GABRG3: variants seen among roughly 807,000 people sequenced by gnomAD.
GABRG3 encodes the protein gamma-aminobutyric acid receptor subunit gamma-3.
A neutral mutation model predicts 48.8 loss-of-function variants in GABRG3; 25 were observed. That is an observed-to-expected ratio of 0.51 (90% CI 0.37 to 0.72). GABRG3 has a LOEUF of 0.72. GABRG3 is among the 30% of genes least tolerant of loss of function. GABRG3 has a pLI of 0.00. For synonymous variants in GABRG3, 227 were observed against 217.6 expected (o/e 1.04, Z -0.38); for missense variants, 394 against 577.9 (o/e 0.68, Z 3.26).
intron 3 of GABRG3, among the ~76,000 whole-genome samples, chr15:27,311,977 A>G (rs185147158): frequency 1.3e-5 from 2 of 152,238 alleles, no homozygotes; most frequent in Non-Finnish European, 2.9e-5. Flanking sequence ...AAAAAAATAA[A>G]TTTCCAAAAA....
At chr15:27,036,692 AAAT>A (rs1373000142) in intron 3 of GABRG3, among the ~76,000 whole-genome samples, 1 of 152,096 alleles carries the variant, frequency 6.6e-6, no homozygotes, top group African/African-American at 2.4e-5. Context: ...TCCATCTCAA[AAAT>A]AATAATAATA....
intron 3 of GABRG3, among the ~76,000 whole-genome samples, chr15:27,103,504 T>C (rs1897396242): frequency 6.6e-6 from 1 of 152,122 alleles, no homozygotes; most frequent in Admixed American, 6.5e-5. Flanking sequence ...CCCCTGCAGC[T>C]GCAGGGAATC....
At position 27,185,200 on chromosome 15, in the gene GABRG3, C is replaced by T. The variant is rs372924612; in HGVS notation, c.271-141609C>T. ...AATTTCTCTCTCAACAATGCTTTAG[C>T]TGCATCCCACATATTTTGATATGTT... On this transcript the variant is annotated intron_variant, in intron 3 of 9. Coordinates refer to ENST00000615808, the MANE Select transcript of GABRG3 (RefSeq NM_033223.5). Among the ~76,000 whole-genome samples, 6 of 152,218 alleles carry T rather than the reference C, an allele frequency of 3.9e-5. No homozygotes were observed. The East Asian group carries it at 9.6e-4, about 24-fold the overall frequency.
At chr15:27,452,621 G>T (rs1889143625) in intron 5 of GABRG3, among the ~76,000 whole-genome samples, 2 of 152,222 alleles carry the variant, frequency 1.3e-5, no homozygotes, top group Non-Finnish European at 2.9e-5. Context: ...GAAAGTGGAA[G>T]TAAGTGGATC....
intron 3 of GABRG3, among the ~76,000 whole-genome samples, chr15:27,146,532 TATTTG>T (rs1456284187): frequency 6.6e-6 from 1 of 152,132 alleles, no homozygotes; most frequent in Non-Finnish European, 1.5e-5. Context: ...TCAATATTTT[TATTTG>T]TTTTATTTTT....
chr15:27,025,330 T>A (rs1199026912), intron 2 of GABRG3, among the ~76,000 whole-genome samples: 1 of 152,226 alleles, frequency 6.6e-6, no homozygotes, highest in Non-Finnish European at 1.5e-5. Flanking sequence ...CCCTTTGGTA[T>A]AGCATAATCA....
chr15:27,359,656 A>G (rs953162417), intron 5 of GABRG3, among the ~76,000 whole-genome samples: 1 of 152,246 alleles, frequency 6.6e-6, no homozygotes, highest in Admixed American at 6.5e-5. Context: ...TATGACTGGC[A>G]TACTCAGTGT....
chr15:27,201,166 C>T (rs949965116), intron 3 of GABRG3, among the ~76,000 whole-genome samples: 1 of 151,956 alleles, frequency 6.6e-6, no homozygotes, highest in African/African-American at 2.4e-5. Context: ...TGTTGAGCAC[C>T]TGTTGAGTTC....
intron 3 of GABRG3, among the ~76,000 whole-genome samples, chr15:27,145,487 G>T (rs974366644): frequency 9.2e-5 from 14 of 152,022 alleles, no homozygotes; most frequent in Admixed American, 2.6e-4. Context: ...ATAAAGTTAG[G>T]TTGATTGAGA....
chr15:27,419,618 G>A (rs1888049318), intron 5 of GABRG3, among the ~76,000 whole-genome samples: 1 of 152,114 alleles, frequency 6.6e-6, no homozygotes, highest in African/African-American at 2.4e-5. Context: ...CTCCTCCGTA[G>A]CCAAATCATG....
intron 3 of GABRG3, among the ~76,000 whole-genome samples, chr15:27,049,801 AG>A (rs1276785657): frequency 6.6e-6 from 1 of 152,238 alleles, no homozygotes; most frequent in Non-Finnish European, 1.5e-5. Flanking sequence ...GGAGAAGAGC[AG>A]GGCTCTGGGA....
chr15:27,214,711 G>A (rs77165118), intron 3 of GABRG3, among the ~76,000 whole-genome samples: 1 of 119,650 alleles, frequency 8.4e-6, no homozygotes, highest in African/African-American at 3.6e-5. Flanking sequence ...TTTTTTTTTG[G>A]TAGGAAGCTT....
chr15:27,293,545 G>A (rs528730232), intron 3 of GABRG3, among the ~76,000 whole-genome samples: 3 of 152,054 alleles, frequency 2.0e-5, no homozygotes, highest in Admixed American at 6.6e-5. Flanking sequence ...GTGTGGTAGC[G>A]TATGCCTGTA....
At chr15:27,155,668 T>C (rs1898405489) in intron 3 of GABRG3, among the ~76,000 whole-genome samples, 1 of 152,302 alleles carries the variant, frequency 6.6e-6, no homozygotes, top group Non-Finnish European at 1.5e-5. Flanking sequence ...TTATTTACCC[T>C]TGGAGGCTGT....
intron 2 of GABRG3, among the ~76,000 whole-genome samples, chr15:26,977,419 A>G (rs969043515): frequency 3.3e-5 from 5 of 152,158 alleles, no homozygotes; most frequent in Admixed American, 1.3e-4. Context: ...CATCAACCGA[A>G]AGTGGATCTC....
intron 5 of GABRG3, among the ~76,000 whole-genome samples, chr15:27,466,556 A>C (rs192748772): frequency 4.1e-4 from 62 of 152,318 alleles, no homozygotes; most frequent in African/African-American, 1.4e-3. Context: ...TTTCCTTCTA[A>C]ACATTTCTCA....
At position 27,403,268 on chromosome 15, in the gene GABRG3, A is replaced by T. The variant is rs1006040899; in HGVS notation, c.574+74380A>T. ...AATATAGAAGCAGAAGTACCTACCA[A>T]TCAGGCAATGCTCTTTTACCAAAGA... On this transcript the variant is annotated intron_variant, in intron 5 of 9. Transcript: ENST00000615808. Among the ~76,000 whole-genome samples, 9 of 152,174 alleles carry T rather than the reference A, an allele frequency of 5.9e-5. 1 individual carries two copies. The South Asian group carries it at 6.2e-4, about 11-fold the overall frequency.
chr15:27,319,590 C>T lies in GABRG3; in HGVS notation c.271-7219C>T, dbSNP rs549257155. On this transcript the variant is annotated intron_variant, in intron 3 of 9. Coordinates refer to ENST00000615808, the MANE Select transcript of GABRG3 (RefSeq NM_033223.5). This position sits in a 1 kb window ranked among gnomAD's most constrained non-coding sequence, Gnocchi z 4.4. Reference sequence around the variant, plus strand: ...GCTGTTGGCAAATATGCCAATGCCACGGGAAGATGGCAGACAGGAGGATGG... The same window carrying T: ...GCTGTTGGCAAATATGCCAATGCCATGGGAAGATGGCAGACAGGAGGATGG... Among the ~76,000 whole-genome samples, 2 of 152,126 alleles carry T rather than the reference C, an allele frequency of 1.3e-5. No individual in the cohort carries two copies. Among genetic ancestry groups the T allele is most frequent in the East Asian group, 1.9e-4 (1 of 5,146 alleles).
chr15:27,182,424 C>T (rs1887960843), intron 3 of GABRG3, among the ~76,000 whole-genome samples: 1 of 152,126 alleles, frequency 6.6e-6, no homozygotes, highest in Admixed American at 6.5e-5. Flanking sequence ...ATGGATTGTA[C>T]AGGTTTGGCT....
Sources: gnomAD v4.1 joint callset for allele counts (sites outside exome capture counted in the v4.1 genomes callset) on GRCh38, gnomAD v4.1.1 for gene constraint, Gnocchi (gnomAD v3.1) non-coding constraint, MANE v1.5 for transcripts, NCBI Gene and HGNC (gene_info 2026-07-23, HGNC 2026-07-21) for gene names.